Variants in AVEN observed in about 807,000 individuals in gnomAD.
AVEN encodes the protein cell death regulator Aven.
AVEN carries 41 observed loss-of-function variants against 38.1 expected under a neutral mutation model. That is an observed-to-expected ratio of 1.08 (90% CI 0.84 to 1.40). AVEN has a LOEUF of 1.40. Ranked by LOEUF, AVEN falls within the 40% of genes most tolerant of loss-of-function variation. AVEN has a pLI of 0.00. For missense variants in AVEN, 605 were observed against 438.8 expected, an observed-to-expected ratio of 1.38 and a Z score of -3.38; for synonymous variants, 206 against 171.8, an observed-to-expected ratio of 1.20 and a Z score of -1.56.
chr15:33,867,130 G>C lies in AVEN; in HGVS notation c.973+365C>G, dbSNP rs143374764. 2.1e-3 allele frequency among the ~76,000 whole-genome samples: 317 copies of C among 152,296 alleles called. 1 individual carries two copies. Among genetic ancestry groups the C allele is most frequent in the African/African-American group, 7.1e-3 (295 of 41,574 alleles). On this transcript the variant is annotated intron_variant, in intron 5 of 5. Transcript: ENST00000306730. ...TGTTCTTTTGTCAAAATATAAGACA[G>C]AAATAGCAAGAAAAAGGTATGAAGA...
downstream of AVEN, among the ~76,000 whole-genome samples, chr15:33,862,705 G>A (rs998785088): frequency 4.0e-5 from 6 of 150,604 alleles, no homozygotes; most frequent in Non-Finnish European, 7.4e-5. Flanking sequence ...CCACCTCCTG[G>A]ATTCAAGTGA....
At chr15:34,062,360 C>T (rs907165415) in intron 5 of AVEN, among the ~76,000 whole-genome samples, 4 of 152,018 alleles carry the variant, frequency 2.6e-5, no homozygotes, top group African/African-American at 9.7e-5. Context: ...TCGAGACCAT[C>T]CCGCCTAACA....
intron 3 of AVEN, among the ~76,000 whole-genome samples, chr15:33,874,920 G>GATTA (rs1478258965): frequency 1.3e-5 from 2 of 152,190 alleles, no homozygotes; most frequent in Non-Finnish European, 2.9e-5. Context: ...ATGTGTCCTA[G>GATTA]AATACTAAAC....
Position 33,867,745 on chromosome 15 carries a change from G to C in AVEN, c.723C>G (p.Ile241Met), listed in dbSNP as rs532118544. ...GPLGPGGRGPIFELKSVAAGC... is the reference protein window; with the variant it reads ...GPLGPGGRGPMFELKSVAAGC... Reference sequence around the variant, plus strand: ...CAGCAGCCACAGATTTCAGCTCAAAGATGGGCCCCCTTCCTCCAGGCCCCA... The same window carrying C: ...CAGCAGCCACAGATTTCAGCTCAAACATGGGCCCCCTTCCTCCAGGCCCCA... Residue 241 changes from isoleucine (I) to methionine (M), a missense_variant, in exon 5 of 6, where the codon ATC becomes ATG. By Grantham distance (10) the Ile-to-Met change is conservative (BLOSUM62 1). Transcript: ENST00000306730. The C allele has an allele frequency of 1.2e-6, 2 of 1,614,172 alleles. No individual in the cohort carries two copies. The highest frequency in any genetic ancestry group is 1.7e-6 in the Non-Finnish European group (2 of 1,180,030).
At chr15:33,897,879 A>C (rs1426947371) in intron 2 of AVEN, among the ~76,000 whole-genome samples, 2 of 149,726 alleles carry the variant, frequency 1.3e-5, no homozygotes, top group African/African-American at 2.5e-5. Context: ...CTCTGTATCT[A>C]AAAAAGCAAA....
At chr15:33,962,919 C>CAAAAAAAAAAAAAAAAAAAAAAAAAA (rs57807791) in intron 2 of AVEN, among the ~76,000 whole-genome samples, 1 of 81,948 alleles carries the variant, frequency 1.2e-5, no homozygotes, top group Non-Finnish European at 2.3e-5. Context: ...AACTCGTTCT[C>CAAAAAAAAAAAAAAAAAAAAAAAAAA]AAAAAAAAAA....
At chr15:34,009,515 C>G (rs970901730) in intron 1 of AVEN, among the ~76,000 whole-genome samples, 1 of 152,056 alleles carries the variant, frequency 6.6e-6, no homozygotes, top group Non-Finnish European at 1.5e-5. Flanking sequence ...ACAGGAGATT[C>G]ACTTTAGATT....
At chr15:34,067,936 G>A (rs889064389) in intron 2 of AVEN, among the ~76,000 whole-genome samples, 4 of 152,022 alleles carry the variant, frequency 2.6e-5, no homozygotes, top group African/African-American at 7.2e-5. Flanking sequence ...GAGAGTGAGC[G>A]GAAGAAGGGA....
intron 2 of AVEN, among the ~76,000 whole-genome samples, chr15:33,893,855 T>A (rs111400104): frequency 0.023 from 3,542 of 152,104 alleles, 121 homozygotes; most frequent in African/African-American, 0.074. Context: ...TAGAGTGTGG[T>A]CACGGTGTTC....
chr15:33,904,716 T>TATATATATAC (rs1555505855), intron 2 of AVEN, among the ~76,000 whole-genome samples: 2 of 143,292 alleles, frequency 1.4e-5, no homozygotes, highest in African/African-American at 5.3e-5. Flanking sequence ...TATATATATA[T>TATATATATAC]ACACACACAC....
chr15:33,954,602 TGA>T (rs1894887283), intron 2 of AVEN, among the ~76,000 whole-genome samples: 1 of 132,468 alleles, frequency 7.5e-6, no homozygotes, highest in African/African-American at 2.9e-5. Context: ...AATTGAACAA[TGA>T]GAACACTTGG....
At chr15:33,916,622 T>A (rs998784096) in intron 2 of AVEN, among the ~76,000 whole-genome samples, 1 of 151,620 alleles carries the variant, frequency 6.6e-6, no homozygotes, top group Admixed American at 6.6e-5. Flanking sequence ...GAAATGCAAA[T>A]CAAAACCACA....
chr15:33,919,574 C>T (rs907059358), intron 2 of AVEN, among the ~76,000 whole-genome samples: 5 of 152,156 alleles, frequency 3.3e-5, no homozygotes, highest in African/African-American at 7.2e-5. Context: ...CCCCCTTAGA[C>T]AACAAGAAGG....
chr15:34,002,998 C>A, intron 2 of AVEN, 34 bp downstream of exon 2: 1 of 1,559,918 alleles, frequency 6.4e-7, no homozygotes, highest in Non-Finnish European at 8.7e-7. Context: ...ACTTTCAGAG[C>A]ACTAAACAGT....
At chr15:33,935,846 A>C (rs1894040269) in intron 2 of AVEN, among the ~76,000 whole-genome samples, 2 of 152,276 alleles carry the variant, frequency 1.3e-5, no homozygotes, top group Non-Finnish European at 2.9e-5. Flanking sequence ...TCTATACTGG[A>C]TTATAAATGT....
Position 33,866,623 on chromosome 15 carries a change from A to G in AVEN, c.1079T>C (p.Met360Thr), listed in dbSNP as rs768395989. ...CTTTTTTTCCCCTTTTTAGGAAATC[A>G]TGCTGTCCAACCAGTCTTCCAGCTC... ...EEELEDWLDS[M>T]IS The change falls in exon 6 of 6, where the codon ATG becomes ACG. Residue 360 changes from methionine to threonine, a missense_variant. Met to Thr is a moderately conservative substitution (Grantham distance 81). Coordinates refer to ENST00000306730, the MANE Select transcript of AVEN (RefSeq NM_020371.3). 6.2e-7 allele frequency: 1 copy of G among 1,613,470 alleles called. No individual in the cohort carries two copies. The highest frequency in any genetic ancestry group is 1.7e-5 in the Admixed American group (1 of 59,984).
rs1440425001 is a variant in AVEN, at chr15:34,039,153, C to G, written c.-107G>C. The G allele has an allele frequency of 2.1e-6, 2 of 950,020 alleles. No individual in the cohort carries two copies. Among genetic ancestry groups the G allele is most frequent in the Non-Finnish European group, 2.5e-6 (2 of 787,320 alleles). The allele number at this position is 950,020 out of a possible 1,614,324, so 58.8% of individuals were successfully genotyped here. ...GGAGGAGCCGCGAGCGAAAGGCGCC[C>G]GGTAGCAGCGAGGCGCGGGGTGCGG... is the stretch of plus-strand genomic sequence containing the variant. On this transcript the variant is annotated 5_prime_UTR_variant, in exon 1 of 6. Transcript: ENST00000306730.
Position 34,039,063 on chromosome 15 carries a change from G to A in AVEN, c.-17C>T. 1 of 1,093,120 alleles carries A rather than the reference G, an allele frequency of 9.1e-7. No homozygotes were observed. Among genetic ancestry groups the A allele is most frequent in the East Asian group, 5.9e-5 (1 of 16,922 alleles). The allele number at this position is 1,093,120 out of a possible 1,614,324, so 67.7% of individuals were successfully genotyped here. ...CGCCTGCATCTGGCCGCCGCTGGCG[G>A]TGCTGAGCGCGCGGGAGCCGAGCTG... On this transcript the variant is annotated 5_prime_UTR_variant, in exon 1 of 6. Transcript: ENST00000306730.
chr15:33,985,253 G>C (rs961816220), intron 2 of AVEN, among the ~76,000 whole-genome samples: 2 of 149,924 alleles, frequency 1.3e-5, no homozygotes, highest in African/African-American at 4.9e-5. Flanking sequence ...TCTGGCAAAA[G>C]GAGTAGTCAA....
Sources: allele counts gnomAD v4.1 joint callset (sites outside exome capture counted in the v4.1 genomes callset), GRCh38; gene constraint gnomAD v4.1.1; transcripts MANE v1.5; gene names NCBI Gene and HGNC (gene_info 2026-07-23, HGNC 2026-07-21).